Variants in NXPH1 observed in about 807,000 individuals in gnomAD.
The protein encoded by NXPH1 is neurexophilin-1.
A neutral mutation model predicts 23.7 loss-of-function variants in NXPH1; 5 were observed. The ratio of observed to expected loss-of-function variants is 0.21; its 90% CI spans 0.11 to 0.44. The LOEUF is 0.44. Ranked by LOEUF, NXPH1 falls within the 20% of genes least tolerant of loss-of-function variation. The pLI is 0.99. For missense variants in NXPH1, 324 were observed against 321.6 expected, an observed-to-expected ratio of 1.01 and a Z score of -0.06; for synonymous variants, 144 against 122.2, an observed-to-expected ratio of 1.18 and a Z score of -1.18.
At chr7:8,569,315 C>G (rs1818605204) in intron 2 of NXPH1, among the ~76,000 whole-genome samples, 1 of 151,656 alleles carries the variant, frequency 6.6e-6, no homozygotes, top group African/African-American at 2.4e-5. Context: ...ACATAACAAC[C>G]CATTGAAAGG....
At chr7:8,722,342 A>G (rs1426977379) in intron 2 of NXPH1, among the ~76,000 whole-genome samples, 1 of 152,102 alleles carries the variant, frequency 6.6e-6, no homozygotes. Context: ...CATATAAAAC[A>G]TTTTCCCTTC....
intron 2 of NXPH1, among the ~76,000 whole-genome samples, chr7:8,632,221 T>A (rs986044471): frequency 9.2e-5 from 14 of 152,302 alleles, no homozygotes; most frequent in African/African-American, 3.1e-4. Context: ...AATAAATATA[T>A]TGAATTAAGA....
In NXPH1 at chr7:8,712,553, G is replaced by A. The variant is rs1476044029; in HGVS notation, c.55-38455G>A. Reference sequence around the variant, plus strand: ...CTCCACTCCTCATAAGATTTCAATCGAATGAGAAAAAGAAAAAGCACAGAC... The same window carrying A: ...CTCCACTCCTCATAAGATTTCAATCAAATGAGAAAAAGAAAAAGCACAGAC... On this transcript the variant is annotated intron_variant, in intron 2 of 2. Coordinates refer to ENST00000405863, the MANE Select transcript of NXPH1 (RefSeq NM_152745.3). Among the ~76,000 whole-genome samples the A allele has an allele frequency of 4.6e-5, 7 of 152,048 alleles. No individual in the cohort carries two copies. The East Asian group carries it at 5.8e-4, about 13-fold the overall frequency.
At chr7:8,663,186 C>A (rs578072847) in intron 2 of NXPH1, among the ~76,000 whole-genome samples, 1 of 152,062 alleles carries the variant, frequency 6.6e-6, no homozygotes, top group Non-Finnish European at 1.5e-5. Context: ...TTGTGAGTAT[C>A]TAAATTCTTA....
intron 2 of NXPH1, among the ~76,000 whole-genome samples, chr7:8,557,597 G>A (rs763034300): frequency 2.0e-5 from 3 of 151,696 alleles, no homozygotes; most frequent in Non-Finnish European, 3.0e-5. Context: ...TTTACTGTGT[G>A]TAATGTACCC....
At chr7:8,571,859 G>A (rs1257676991) in intron 2 of NXPH1, among the ~76,000 whole-genome samples, 1 of 150,260 alleles carries the variant, frequency 6.7e-6, no homozygotes, top group African/African-American at 2.5e-5. Flanking sequence ...TGATTCCTTG[G>A]CATCATTGTT....
intron 2 of NXPH1, among the ~76,000 whole-genome samples, chr7:8,700,586 T>C (rs1779609781): frequency 6.6e-6 from 1 of 152,158 alleles, no homozygotes; most frequent in Non-Finnish European, 1.5e-5. Flanking sequence ...AAAAAGTACT[T>C]TAAAAGCAGC....
At chr7:8,516,729 T>C (rs941645313) in intron 2 of NXPH1, among the ~76,000 whole-genome samples, 1 of 152,132 alleles carries the variant, frequency 6.6e-6, no homozygotes, top group Non-Finnish European at 1.5e-5. Flanking sequence ...TTTAGAACTT[T>C]AGTGAGAAGT....
intron 2 of NXPH1, among the ~76,000 whole-genome samples, chr7:8,729,812 T>C (rs889220491): frequency 3.3e-5 from 5 of 152,188 alleles, no homozygotes; most frequent in Non-Finnish European, 5.9e-5. Flanking sequence ...TAAATGTATA[T>C]TCTGTTGATT....
intron 2 of NXPH1, among the ~76,000 whole-genome samples, chr7:8,545,976 C>T (rs925480372): frequency 1.3e-5 from 2 of 151,424 alleles, no homozygotes; most frequent in African/African-American, 4.8e-5. Context: ...GGTAGAGAGA[C>T]CAGCTGTTGT....
chr7:8,485,310 G>T (rs998375342), intron 2 of NXPH1, among the ~76,000 whole-genome samples: 2 of 152,008 alleles, frequency 1.3e-5, no homozygotes, highest in African/African-American at 2.4e-5. Flanking sequence ...CCAGACATGT[G>T]GAACTGTGAG....
chr7:8,593,158 C>G (rs189391298), intron 2 of NXPH1, among the ~76,000 whole-genome samples: 76 of 149,746 alleles, frequency 5.1e-4, no homozygotes, highest in Non-Finnish European at 6.9e-4. Flanking sequence ...GCATGTTTCT[C>G]AGAGTAAGAA....
chr7:8,496,522 G>A (rs1817340743), intron 2 of NXPH1, among the ~76,000 whole-genome samples: 1 of 152,052 alleles, frequency 6.6e-6, no homozygotes, highest in African/African-American at 2.4e-5. Context: ...ACCTGCCCAA[G>A]TCTTTAATTG....
intron 2 of NXPH1, among the ~76,000 whole-genome samples, chr7:8,626,461 C>T (rs1005340599): frequency 6.6e-6 from 1 of 151,854 alleles, no homozygotes; most frequent in African/African-American, 2.4e-5. Flanking sequence ...GCTTGCCACC[C>T]ACCTTGGATT....
At chr7:8,691,878 G>A (rs1478664142) in intron 2 of NXPH1, among the ~76,000 whole-genome samples, 1 of 152,154 alleles carries the variant, frequency 6.6e-6, no homozygotes, top group Non-Finnish European at 1.5e-5. Context: ...TGTGAAGAAT[G>A]CTGTTATGGA....
chr7:8,659,895 A>T (rs1820645209), intron 2 of NXPH1, among the ~76,000 whole-genome samples: 1 of 152,208 alleles, frequency 6.6e-6, no homozygotes, highest in African/African-American at 2.4e-5. Flanking sequence ...GCAACTTATC[A>T]TCCAGTGCTA....
intron 2 of NXPH1, among the ~76,000 whole-genome samples, chr7:8,671,048 G>C (rs1332703956): frequency 1.3e-5 from 2 of 152,138 alleles, no homozygotes; most frequent in East Asian, 3.9e-4. Flanking sequence ...GGACAGTTAA[G>C]ACAGGCACTC....
chr7:8,503,484 A>T (rs542542383), intron 2 of NXPH1, among the ~76,000 whole-genome samples: 1 of 152,094 alleles, frequency 6.6e-6, no homozygotes, highest in South Asian at 2.1e-4. Flanking sequence ...TTACATTTAC[A>T]GACATCTTTA....
chr7:8,723,062 C>T (rs1459805570), intron 2 of NXPH1, among the ~76,000 whole-genome samples: 1 of 152,164 alleles, frequency 6.6e-6, no homozygotes, highest in Non-Finnish European at 1.5e-5. Context: ...TGTTAATGAA[C>T]ACTTTTACAG....
Sources: allele counts gnomAD v4.1 joint callset (sites outside exome capture counted in the v4.1 genomes callset), GRCh38; gene constraint gnomAD v4.1.1; transcripts MANE v1.5; gene names NCBI Gene and HGNC (gene_info 2026-07-23, HGNC 2026-07-21).